FER: variants seen among roughly 807,000 people sequenced by gnomAD.
The protein encoded by FER is FER tyrosine kinase.
A neutral mutation model predicts 111.0 loss-of-function variants in FER; 63 were observed. The ratio of observed to expected loss-of-function variants is 0.57; its 90% CI spans 0.46 to 0.70. The LOEUF is 0.70. Ranked by LOEUF, FER falls within the 30% of genes least tolerant of loss-of-function variation. The pLI, the probability that FER is intolerant of heterozygous loss-of-function variation, is 0.00. For synonymous variants in FER, 327 were observed against 313.9 expected (o/e 1.04, Z -0.44); for missense variants, 914 against 954.0 (o/e 0.96, Z 0.55).
intron 5 of FER, among the ~76,000 whole-genome samples, chr5:108,841,620 A>C (rs576441777): frequency 6.6e-6 from 1 of 152,278 alleles, no homozygotes; most frequent in African/African-American, 2.4e-5. Context: ...CATGGGAAAT[A>C]ATTCTAATGT....
At chr5:108,867,735 TACTA>T (rs756773227) in intron 5 of FER, 28 bp from the exon 6 acceptor site, 42 of 1,582,708 alleles carry the variant, frequency 2.7e-5, no homozygotes, top group Non-Finnish European at 3.1e-5. Context: ...CTTATCTCTT[TACTA>T]ACTTTCTTCA....
At chr5:109,062,910 G>A (rs1038001697) in intron 16 of FER, among the ~76,000 whole-genome samples, 4 of 152,102 alleles carry the variant, frequency 2.6e-5, no homozygotes, top group Non-Finnish European at 4.4e-5. Flanking sequence ...CAAACTCATC[G>A]TAATTTTAAA....
chr5:108,820,419 G>A (rs1023571571), intron 3 of FER: 2 of 985,202 alleles, frequency 2.0e-6, no homozygotes, highest in Non-Finnish European at 2.4e-6. Flanking sequence ...TATTTTTCTG[G>A]TTACTGTTCT....
intron 17 of FER, among the ~76,000 whole-genome samples, chr5:109,164,340 T>C (rs1756315621): frequency 6.6e-6 from 1 of 152,186 alleles, no homozygotes; most frequent in Non-Finnish European, 1.5e-5. Flanking sequence ...GTGATAGTAT[T>C]AAGATAGTCC....
intron 15 of FER, among the ~76,000 whole-genome samples, chr5:109,046,121 A>G (rs1428609711): frequency 3.9e-5 from 6 of 152,140 alleles, no homozygotes; most frequent in African/African-American, 1.4e-4. Context: ...CTTTATCCAA[A>G]CAAAGTCTAC....
At chr5:108,847,769 G>T (rs1179532198) in intron 5 of FER, among the ~76,000 whole-genome samples, 1 of 151,980 alleles carries the variant, frequency 6.6e-6, no homozygotes, top group African/African-American at 2.4e-5. Context: ...CCTTTATTAT[G>T]CCTGGTAATA....
intron 2 of FER, among the ~76,000 whole-genome samples, chr5:108,787,444 C>T (rs932012410): frequency 6.6e-6 from 1 of 152,104 alleles, no homozygotes; most frequent in Non-Finnish European, 1.5e-5. Flanking sequence ...GGGGTGGGTC[C>T]CTGGTGAAAC....
At chr5:109,171,074 C>A (rs752598228) in intron 17 of FER, among the ~76,000 whole-genome samples, 21 of 152,282 alleles carry the variant, frequency 1.4e-4, no homozygotes, top group Non-Finnish European at 2.2e-4. Flanking sequence ...GTGCACTATT[C>A]TTTTACTGTT....
chr5:108,761,563 A>G (rs1580403118), intron 1 of FER, among the ~76,000 whole-genome samples: 1 of 152,342 alleles, frequency 6.6e-6, no homozygotes, highest in Non-Finnish European at 1.5e-5. Context: ...GATAATAATG[A>G]AAAAGTTTGA....
chr5:109,101,593 C>T (rs1459019332), intron 17 of FER, among the ~76,000 whole-genome samples: 1 of 151,962 alleles, frequency 6.6e-6, no homozygotes, highest in Non-Finnish European at 1.5e-5. Flanking sequence ...AAATATGGTT[C>T]AACAATTGCA....
chr5:108,860,615 A>C (rs1763424648), intron 5 of FER, among the ~76,000 whole-genome samples: 1 of 152,226 alleles, frequency 6.6e-6, no homozygotes, highest in African/African-American at 2.4e-5. Flanking sequence ...AAACATGTGT[A>C]TACATTTGAC....
chr5:109,063,203 A>G (rs904066247), intron 16 of FER, among the ~76,000 whole-genome samples: 12 of 152,188 alleles, frequency 7.9e-5, no homozygotes, highest in Admixed American at 7.2e-4. Context: ...TAATTTCTAT[A>G]GTACATTTCA....
At chr5:109,149,585 A>G (rs977992872) in intron 17 of FER, among the ~76,000 whole-genome samples, 5 of 151,786 alleles carry the variant, frequency 3.3e-5, no homozygotes, top group Non-Finnish European at 4.4e-5. Flanking sequence ...TTTCATATCA[A>G]TCAAGAAACT....
At chr5:108,960,943 C>T (rs760829546) in intron 13 of FER, among the ~76,000 whole-genome samples, 2 of 152,088 alleles carry the variant, frequency 1.3e-5, no homozygotes, top group Non-Finnish European at 2.9e-5. Flanking sequence ...CAAAAGTTAG[C>T]TGGGGGTAGT....
At chr5:109,004,636 T>G (rs1202822929) in intron 13 of FER, among the ~76,000 whole-genome samples, 1 of 152,204 alleles carries the variant, frequency 6.6e-6, no homozygotes, top group East Asian at 1.9e-4. Context: ...ATTTACCATA[T>G]GATTACAAAT....
intron 16 of FER, among the ~76,000 whole-genome samples, chr5:109,064,229 G>A (rs1774805217): frequency 6.6e-6 from 1 of 152,082 alleles, no homozygotes; most frequent in African/African-American, 2.4e-5. Context: ...ATTTACATGT[G>A]ACATAAGTTG....
intron 13 of FER, among the ~76,000 whole-genome samples, chr5:109,019,073 T>C (rs1022349219): frequency 1.3e-5 from 2 of 151,510 alleles, no homozygotes; most frequent in Admixed American, 6.6e-5. Context: ...AAGTGTAATA[T>C]TTTTTTCCAG....
At chr5:108,943,202 A>G (rs1240286229) in intron 10 of FER, among the ~76,000 whole-genome samples, 1 of 152,064 alleles carries the variant, frequency 6.6e-6, no homozygotes, top group Non-Finnish European at 1.5e-5. Flanking sequence ...TGGTACCATG[A>G]AACTCTTCTC....
At chr5:108,943,375 T>C (rs578161347) in intron 10 of FER, among the ~76,000 whole-genome samples, 4 of 152,338 alleles carry the variant, frequency 2.6e-5, no homozygotes, top group South Asian at 4.1e-4. Flanking sequence ...TCATACTCTT[T>C]ATCCCTTCTG....
Sources: gnomAD v4.1 joint callset for allele counts (sites outside exome capture counted in the v4.1 genomes callset) on GRCh38, gnomAD v4.1.1 for gene constraint, MANE v1.5 for transcripts, NCBI Gene and HGNC (gene_info 2026-07-23, HGNC 2026-07-21) for gene names.